The following FUBP3 variants were observed in gnomAD, a reference collection of about 807,000 sequenced individuals.
FUBP3 encodes far upstream element binding protein 3, also known as far upstream element-binding protein 3.
A neutral mutation model predicts 85.6 loss-of-function variants in FUBP3; 28 were observed. The observed-to-expected ratio is 0.33, with a 90% CI of 0.24 to 0.45. The LOEUF is 0.45. FUBP3 is among the 20% of genes least tolerant of loss of function. The pLI, the probability that FUBP3 is intolerant of heterozygous loss-of-function variation, is 1.00. For synonymous variants in FUBP3, 271 were observed against 271.4 expected, an observed-to-expected ratio of 1.00 and a Z score of 0.01; for missense variants, 583 against 755.1, an observed-to-expected ratio of 0.77 and a Z score of 2.67.
intron 1 of FUBP3, among the ~76,000 whole-genome samples, chr9:130,592,152 A>C (rs1181886811): frequency 1.3e-5 from 2 of 152,188 alleles, no homozygotes; most frequent in Non-Finnish European, 2.9e-5. Flanking sequence ...GAATTGCTTG[A>C]ACCCAGGAGA....
intron 10 of FUBP3, 76 bp from the exon 11 acceptor site, chr9:130,623,535 T>C: frequency 1.0e-6 from 1 of 954,250 alleles, no homozygotes; most frequent in Admixed American, 1.8e-5. Flanking sequence ...AGAATATTGA[T>C]TGGGAATCAG....
At chr9:130,579,959 G>C (rs1165233967) in intron 1 of FUBP3, among the ~76,000 whole-genome samples, 195 bp downstream of exon 1, 1 of 152,252 alleles carries the variant, frequency 6.6e-6, no homozygotes, top group Non-Finnish European at 1.5e-5. Flanking sequence ...GGCCCGGCCT[G>C]TCGGGCGGGT....
intron 11 of FUBP3, 111 bp from the exon 12 acceptor site, chr9:130,626,253 C>A (rs776362768): frequency 1.8e-6 from 2 of 1,135,762 alleles, no homozygotes; most frequent in Non-Finnish European, 2.5e-6. Context: ...GTGCTAGGTT[C>A]TGATGGGTGG....
chr9:130,614,455 G>T, intron 6 of FUBP3, 110 bp downstream of exon 6: 2 of 660,650 alleles, frequency 3.0e-6, no homozygotes, highest in Non-Finnish European at 2.7e-6. Context: ...CTGCAGTCTG[G>T]CCACACAGGT....
chr9:130,592,898 AG>A (rs1830697413), intron 1 of FUBP3, among the ~76,000 whole-genome samples: 1 of 152,170 alleles, frequency 6.6e-6, no homozygotes, highest in Non-Finnish European at 1.5e-5. Context: ...TAAGACTTGC[AG>A]TAGCTGCCCA....
Position 130,620,374 on chromosome 9 carries a change from A to G in FUBP3, c.687A>G (p.Leu229=), listed in dbSNP as rs1170431479. 3 of 1,599,024 alleles carry G rather than the reference A, an allele frequency of 1.9e-6. No individual in the cohort carries two copies. The highest frequency in any genetic ancestry group is 1.7e-5 in the Admixed American group (1 of 58,096). ...TGCAGCAAGCAAGAGAAATGGTACT[A>G]GAGATTATCCGAGAAAAAGACCAAG... The part of the protein sequence containing the change: ...FKVQQAREMV[L]EIIREKDQAD... The change falls in exon 9 of 19, where the codon CTA becomes CTG. Residue 229 remains leucine, a synonymous_variant. Transcript: ENST00000319725.
chr9:130,603,302 G>A (rs1413161043), intron 2 of FUBP3, among the ~76,000 whole-genome samples: 1 of 140,800 alleles, frequency 7.1e-6, no homozygotes, highest in East Asian at 2.1e-4. Context: ...AGCTGAAACC[G>A]TGTCACTGCA....
chr9:130,585,030 C>T (rs373370934), intron 1 of FUBP3, among the ~76,000 whole-genome samples: 1 of 152,042 alleles, frequency 6.6e-6, no homozygotes, highest in Non-Finnish European at 1.5e-5. Context: ...TGTGGTGGCA[C>T]GCACCTGTAA....
chr9:130,622,453 G>A (rs1174072433), intron 9 of FUBP3, among the ~76,000 whole-genome samples: 3 of 152,022 alleles, frequency 2.0e-5, no homozygotes, highest in South Asian at 2.1e-4. Flanking sequence ...CCAGCAAGGT[G>A]AAATCTCATC....
At chr9:130,605,310 C>T (rs896346798) in intron 2 of FUBP3, among the ~76,000 whole-genome samples, 1 of 152,198 alleles carries the variant, frequency 6.6e-6, no homozygotes, top group South Asian at 2.1e-4. Flanking sequence ...ACTGTTGTAT[C>T]CTCAGGTCCT....
chr9:130,612,508 A>G lies in FUBP3; in HGVS notation c.274+3A>G. 6.4e-7 allele frequency: 1 copy of G among 1,554,112 alleles called. No homozygotes were observed. The highest frequency in any genetic ancestry group is 1.1e-5 in the South Asian group (1 of 89,274). On this transcript the variant is annotated splice_donor_region_variant and intron_variant, in intron 4 of 18. Transcript: ENST00000319725. This position sits in a 1 kb window ranked among gnomAD's most constrained non-coding sequence, Gnocchi z 4.1. ...GCCTGACAAAATGGTTGGATTTAGT[A>G]AGTATCCATGTTGTCTACTTTTTCC...
chr9:130,637,140 A>G lies in FUBP3; in HGVS notation c.*118A>G. 1.2e-6 allele frequency: 1 copy of G among 831,374 alleles called. No individual in the cohort carries two copies. The highest frequency in any genetic ancestry group is 2.5e-5 in the East Asian group (1 of 39,930). The allele number at this position is 831,374 out of a possible 1,614,324, so 51.5% of individuals were successfully genotyped here. ...GAAGAACTGTTGTTTTGTTCTGTGAAACACTATATTTAGATTAACGGAATT... is the reference window on the plus strand; with the variant it reads ...GAAGAACTGTTGTTTTGTTCTGTGAGACACTATATTTAGATTAACGGAATT... On this transcript the variant is annotated 3_prime_UTR_variant, in exon 19 of 19. Coordinates refer to ENST00000319725, the MANE Select transcript of FUBP3 (RefSeq NM_003934.2).
chr9:130,592,021 C>A (rs1186262304), intron 1 of FUBP3, among the ~76,000 whole-genome samples: 2 of 152,174 alleles, frequency 1.3e-5, no homozygotes, highest in Non-Finnish European at 2.9e-5. Flanking sequence ...CACCTGAGGT[C>A]AGGAGTTCGA....
intron 1 of FUBP3, among the ~76,000 whole-genome samples, chr9:130,588,906 A>G (rs368359196): frequency 2.0e-5 from 3 of 151,852 alleles, no homozygotes; most frequent in Non-Finnish European, 4.4e-5. Context: ...AGTCCAACCT[A>G]CCTTTCTCCC....
chr9:130,602,765 A>T (rs549452017), intron 2 of FUBP3, among the ~76,000 whole-genome samples: 1 of 152,286 alleles, frequency 6.6e-6, no homozygotes, highest in East Asian at 1.9e-4. Flanking sequence ...GGCAGTCATC[A>T]TCAAGGGCAG....
At chr9:130,602,992 G>A (rs1349421422) in intron 2 of FUBP3, among the ~76,000 whole-genome samples, 1 of 152,094 alleles carries the variant, frequency 6.6e-6, no homozygotes, top group African/African-American at 2.4e-5. Flanking sequence ...AAGCAGTGGG[G>A]CCAGGCAAGA....
chr9:130,638,298 T>C lies in FUBP3; in HGVS notation c.*1276T>C, dbSNP rs1830480901. ...AGTGTTCTTTTTATTTGACTGACAA[T>C]TCATTTTACACTCTATATAATAAAA... On this transcript the variant is annotated 3_prime_UTR_variant, in exon 19 of 19. Transcript: ENST00000319725. The C allele has an allele frequency of 6.6e-6, 1 of 152,670 alleles. No homozygotes were observed. The highest frequency in any genetic ancestry group is 1.5e-5 in the Non-Finnish European group (1 of 68,038). The allele number at this position is 152,670 out of a possible 1,614,324, so 9.5% of individuals were successfully genotyped here.
At chr9:130,610,019 G>A in intron 3 of FUBP3, 32 bp downstream of exon 3, 2 of 1,509,232 alleles carry the variant, frequency 1.3e-6, no homozygotes, top group Non-Finnish European at 1.8e-6. Flanking sequence ...ATTATTTATT[G>A]ATCATTTCTA....
chr9:130,633,694 C>G (rs1315936320), intron 16 of FUBP3, among the ~76,000 whole-genome samples: 1 of 152,236 alleles, frequency 6.6e-6, no homozygotes, highest in East Asian at 1.9e-4. Flanking sequence ...CGGCGCCCTC[C>G]GCGTCCGAGG....
Sources: allele counts gnomAD v4.1 joint callset (sites outside exome capture counted in the v4.1 genomes callset), GRCh38; gene constraint gnomAD v4.1.1; non-coding constraint Gnocchi (gnomAD v3.1); transcripts MANE v1.5; gene names NCBI Gene and HGNC (gene_info 2026-07-23, HGNC 2026-07-21).